TENM2: variants seen among roughly 807,000 people sequenced by gnomAD.
TENM2 encodes the protein teneurin-2.
A neutral mutation model predicts 245.2 loss-of-function variants in TENM2; 52 were observed. The observed-to-expected ratio is 0.21, with a 90% CI of 0.17 to 0.27. The LOEUF (loss-of-function observed/expected upper bound fraction) is 0.27, where lower values mean the gene tolerates loss of function less well. Among genes scored for constraint, TENM2 ranks in the 10% least tolerant of loss-of-function variants. TENM2 has a pLI of 1.00. For missense variants in TENM2, 3,046 were observed against 3,666.8 expected (o/e 0.83, Z 4.37); for synonymous variants, 1,363 against 1,438.9 (o/e 0.95, Z 1.19).
In TENM2 at chr5:167,395,759, GA is replaced by G. The variant is rs528743100; in HGVS notation, c.502+20294del. On this transcript the variant is annotated intron_variant, in intron 2 of 28. Transcript: ENST00000518659. Reference sequence around the variant, plus strand: ...CATCCCTAGGGTATAAAGTTGATGAGAAAAAAAATGATGTGGTTATACATCC... The same window carrying G: ...CATCCCTAGGGTATAAAGTTGATGAGAAAAAAATGATGTGGTTATACATCC... Among the ~76,000 whole-genome samples, 264 of 151,816 alleles carry G rather than the reference GA, an allele frequency of 1.7e-3. 1 individual carries two copies. Among genetic ancestry groups the G allele is most frequent in the African/African-American group, 6.2e-3 (257 of 41,436 alleles).
chr5:167,997,158 C>T (rs1784113081), intron 5 of TENM2, among the ~76,000 whole-genome samples: 1 of 152,190 alleles, frequency 6.6e-6, no homozygotes, highest in African/African-American at 2.4e-5. Context: ...GACACCGAGG[C>T]CCAGAGAGTC....
chr5:167,281,186 G>A (rs1231088894), upstream of TENM2, among the ~76,000 whole-genome samples: 2 of 150,142 alleles, frequency 1.3e-5, no homozygotes, highest in Admixed American at 1.3e-4. Flanking sequence ...TTGGCTCACT[G>A]CAACCTCCGC....
chr5:167,565,178 A>G (rs1312532580), intron 2 of TENM2, among the ~76,000 whole-genome samples: 2 of 152,252 alleles, frequency 1.3e-5, no homozygotes, highest in Non-Finnish European at 2.9e-5. Flanking sequence ...AGTCAGTAGG[A>G]CAAGGCTATT....
exon 19 of TENM2, chr5:168,204,459 G>A (rs771073307): frequency 6.2e-6 from 10 of 1,613,852 alleles, no homozygotes; most frequent in Admixed American, 3.3e-5. Flanking sequence ...GGTCGCCGCC[G>A]GAGCATTTCC....
At chr5:167,894,002 G>A (rs1013839807) in intron 3 of TENM2, among the ~76,000 whole-genome samples, 1 of 152,160 alleles carries the variant, frequency 6.6e-6, no homozygotes. Flanking sequence ...ATGAGTCCTA[G>A]AAAAATATAG....
At chr5:167,488,530 G>A (rs1443782151) in intron 2 of TENM2, among the ~76,000 whole-genome samples, 1 of 151,808 alleles carries the variant, frequency 6.6e-6, no homozygotes, top group East Asian at 1.9e-4. Context: ...GGTTTTGCTC[G>A]TGACTCATTA....
At chr5:168,141,045 A>G (rs1173342237) in intron 12 of TENM2, among the ~76,000 whole-genome samples, 3 of 152,008 alleles carry the variant, frequency 2.0e-5, no homozygotes, top group Non-Finnish European at 4.4e-5. Context: ...GCTTTGCTAC[A>G]TAGTCCCGCT....
intron 10 of TENM2, among the ~76,000 whole-genome samples, chr5:168,119,698 G>T (rs1021616879): frequency 6.6e-6 from 1 of 152,088 alleles, no homozygotes; most frequent in Admixed American, 6.5e-5. Context: ...TTTTCTCTAA[G>T]TCCATCTCCC....
intron 25 of TENM2, among the ~76,000 whole-genome samples, chr5:168,228,434 C>T (rs181057584): frequency 2.6e-5 from 4 of 152,302 alleles, no homozygotes; most frequent in East Asian, 1.9e-4. Context: ...ATTTACATTA[C>T]GCTGTAACTA....
intron 2 of TENM2, among the ~76,000 whole-genome samples, chr5:167,451,944 T>C (rs1765613309): frequency 6.6e-6 from 1 of 152,162 alleles, no homozygotes; most frequent in African/African-American, 2.4e-5. Context: ...CCACCGCGTC[T>C]GGCAGCAACT....
intron 2 of TENM2, among the ~76,000 whole-genome samples, chr5:167,509,648 C>T (rs866077566): frequency 1.3e-5 from 2 of 152,268 alleles, no homozygotes. Flanking sequence ...TAGAAGAGGT[C>T]ATTATTATTA....
intron 2 of TENM2, among the ~76,000 whole-genome samples, chr5:167,435,356 A>G (rs956161361): frequency 2.6e-5 from 4 of 152,156 alleles, no homozygotes; most frequent in African/African-American, 9.7e-5. Flanking sequence ...TTATCGTGAT[A>G]TTGAATGAGT....
intron 2 of TENM2, among the ~76,000 whole-genome samples, chr5:167,679,062 A>T (rs1756528730): frequency 6.6e-6 from 1 of 152,116 alleles, no homozygotes; most frequent in African/African-American, 2.4e-5. Context: ...ACCCTCTTGA[A>T]AACCTAATCA....
chr5:167,971,337 C>T (rs2151923189), intron 4 of TENM2, among the ~76,000 whole-genome samples: 1 of 150,636 alleles, frequency 6.6e-6, no homozygotes, highest in Non-Finnish European at 1.5e-5. Context: ...GGAGGTCGGC[C>T]CTTGATTCTG....
At chr5:167,968,612 G>A (rs961962081) in intron 4 of TENM2, among the ~76,000 whole-genome samples, 4 of 152,178 alleles carry the variant, frequency 2.6e-5, no homozygotes, top group East Asian at 3.9e-4. Context: ...TTTGAACAAA[G>A]GGTTAAAATC....
the TENM2 span, among the ~76,000 whole-genome samples, chr5:167,012,341 C>G: frequency 1.3e-5 from 2 of 152,166 alleles, no homozygotes; most frequent in Admixed American, 6.5e-5. Context: ...ATCATAGTGA[C>G]CAAGACTACA....
intron 2 of TENM2, among the ~76,000 whole-genome samples, chr5:167,702,575 T>TATATAC (rs1561687179): frequency 1.2e-4 from 18 of 145,218 alleles, no homozygotes; most frequent in African/African-American, 4.4e-4. Flanking sequence ...TATATATACA[T>TATATAC]ATATATATAT....
chr5:168,257,437 T>C (rs1351365196), intron 27 of TENM2, among the ~76,000 whole-genome samples: 1 of 152,108 alleles, frequency 6.6e-6, no homozygotes, highest in Non-Finnish European at 1.5e-5. Flanking sequence ...AGTGCATCCC[T>C]GGCATATTCA....
intron 2 of TENM2, among the ~76,000 whole-genome samples, chr5:167,723,629 C>T (rs1369756767): frequency 6.6e-6 from 1 of 152,154 alleles, no homozygotes; most frequent in Non-Finnish European, 1.5e-5. Flanking sequence ...CCCTGGACTT[C>T]GCTGTGTGCC....
Sources: allele counts gnomAD v4.1 joint callset (sites outside exome capture counted in the v4.1 genomes callset), GRCh38; gene constraint gnomAD v4.1.1; transcripts MANE v1.5; gene names NCBI Gene and HGNC (gene_info 2026-07-23, HGNC 2026-07-21).